DSCAM: variants seen among roughly 807,000 people sequenced by gnomAD.
DSCAM encodes the protein DS cell adhesion molecule.
Under a neutral mutation model 217.7 loss-of-function variants are expected in DSCAM, and 47 were observed. The ratio of observed to expected loss-of-function variants is 0.22; its 90% CI spans 0.17 to 0.28. The LOEUF (loss-of-function observed/expected upper bound fraction) is 0.28, where lower values mean the gene tolerates loss of function less well. DSCAM is among the 10% of genes least tolerant of loss of function. The probability of loss-of-function intolerance (pLI) is 1.00; values close to 1 mark genes in which losing one functional copy is unlikely to be tolerated. For synonymous variants in DSCAM, 1,056 were observed against 1,015.3 expected (o/e 1.04, Z -0.76); for missense variants, 2,080 against 2,618.3 (o/e 0.79, Z 4.49).
chr21:40,748,837 C>T (rs2091199731), intron 1 of DSCAM, among the ~76,000 whole-genome samples: 5 of 152,060 alleles, frequency 3.3e-5, no homozygotes, highest in Admixed American at 2.6e-4. Context: ...AAATATACTG[C>T]ATAGCTATAG....
At chr21:40,091,268 C>G (rs183112964) in intron 21 of DSCAM, among the ~76,000 whole-genome samples, 2 of 152,176 alleles carry the variant, frequency 1.3e-5, no homozygotes, top group Non-Finnish European at 2.9e-5. Flanking sequence ...AAACCCTACA[C>G]CATCTCCTTA....
At chr21:40,696,126 A>G (rs1170191853) in intron 2 of DSCAM, among the ~76,000 whole-genome samples, 1 of 152,156 alleles carries the variant, frequency 6.6e-6, no homozygotes, top group African/African-American at 2.4e-5. Flanking sequence ...TGACATTTGC[A>G]TTATAAGACA....
intron 8 of DSCAM, among the ~76,000 whole-genome samples, chr21:40,324,103 C>CAAAAAA (rs71330393): frequency 2.1e-3 from 58 of 27,954 alleles, no homozygotes; most frequent in East Asian, 3.7e-3. Flanking sequence ...AACTCTGTCT[C>CAAAAAA]AAAAAAAAAA....
intron 1 of DSCAM, among the ~76,000 whole-genome samples, chr21:40,759,867 C>T (rs999908741): frequency 3.9e-5 from 6 of 152,176 alleles, no homozygotes; most frequent in African/African-American, 9.7e-5. Context: ...ATGCAGCCAT[C>T]GCCCTCCACA....
At chr21:40,638,659 A>G (rs1259353665) in intron 3 of DSCAM, among the ~76,000 whole-genome samples, 1 of 152,148 alleles carries the variant, frequency 6.6e-6, no homozygotes, top group East Asian at 1.9e-4. Flanking sequence ...GGTAGTACTC[A>G]CTGTTCACCA....
intron 3 of DSCAM, among the ~76,000 whole-genome samples, chr21:40,381,722 A>G (rs549751189): frequency 6.6e-6 from 1 of 152,308 alleles, no homozygotes; most frequent in South Asian, 2.1e-4. Context: ...TGAAACTAAC[A>G]CTATGTTGTG....
At chr21:40,843,941 G>A (rs1316200166) in intron 1 of DSCAM, among the ~76,000 whole-genome samples, 4 of 150,976 alleles carry the variant, frequency 2.6e-5, no homozygotes, top group African/African-American at 9.7e-5. Context: ...TATTTTAATA[G>A]CCCCAAATAT....
chr21:40,736,088 CACTTT>C (rs1354181041), intron 1 of DSCAM, among the ~76,000 whole-genome samples: 1 of 152,202 alleles, frequency 6.6e-6, no homozygotes, highest in Non-Finnish European at 1.5e-5. Flanking sequence ...CTCAGGAAAT[CACTTT>C]ACTTAGTATT....
At chr21:40,729,489 G>A (rs936621618) in intron 1 of DSCAM, among the ~76,000 whole-genome samples, 6 of 152,188 alleles carry the variant, frequency 3.9e-5, no homozygotes, top group African/African-American at 9.7e-5. Context: ...TAGGTATGCC[G>A]TGTAGTCCTT....
chr21:40,253,749 G>A (rs888054771), intron 11 of DSCAM, among the ~76,000 whole-genome samples: 5 of 152,366 alleles, frequency 3.3e-5, no homozygotes, highest in South Asian at 2.1e-4. Context: ...CCCGGAGGGC[G>A]GCACAACCCA....
intron 3 of DSCAM, among the ~76,000 whole-genome samples, chr21:40,634,285 C>A (rs779037887): frequency 6.6e-6 from 1 of 152,174 alleles, no homozygotes; most frequent in Non-Finnish European, 1.5e-5. Flanking sequence ...CTTGTTCTGT[C>A]CGTAATTTTT....
chr21:40,257,761 T>C (rs1056938645), intron 11 of DSCAM, among the ~76,000 whole-genome samples: 1 of 152,184 alleles, frequency 6.6e-6, no homozygotes, highest in African/African-American at 2.4e-5. Flanking sequence ...TTAATGCTCA[T>C]GCACTTACCC....
intron 3 of DSCAM, among the ~76,000 whole-genome samples, chr21:40,533,602 T>C (rs879703603): frequency 0.11 from 12,078 of 107,436 alleles, 826 homozygotes; most frequent in African/African-American, 0.31. Context: ...TCCACCTGTC[T>C]GTCCATCCAT....
chr21:40,506,528 G>A (rs1210553858), intron 3 of DSCAM, among the ~76,000 whole-genome samples: 1 of 152,182 alleles, frequency 6.6e-6, no homozygotes, highest in Non-Finnish European at 1.5e-5. Flanking sequence ...GTGCTTAAAT[G>A]GTATTTGATA....
intron 11 of DSCAM, among the ~76,000 whole-genome samples, chr21:40,236,224 G>A (rs969677297): frequency 8.5e-5 from 13 of 152,182 alleles, no homozygotes; most frequent in African/African-American, 2.7e-4. Flanking sequence ...TGTATGATAT[G>A]CCAAGCACTG....
chr21:40,020,575 C>G (rs1221333427), intron 32 of DSCAM, among the ~76,000 whole-genome samples: 1 of 151,718 alleles, frequency 6.6e-6, no homozygotes, highest in Non-Finnish European at 1.5e-5. Context: ...GAAAATCTAA[C>G]TGGAAGAGCA....
chr21:40,425,640 C>A (rs1479375804), intron 3 of DSCAM, among the ~76,000 whole-genome samples: 1 of 138,942 alleles, frequency 7.2e-6, no homozygotes, highest in Non-Finnish European at 1.5e-5. Context: ...GAACTCCAGC[C>A]TGAGCAACAA....
rs956362644 is a variant in DSCAM, at chr21:40,140,935, G to C, written c.3406+1623C>G. ...TGTCTACTGCAGGACCAAGGAGGGC[G>C]GGGGGGGGTCCTTCTAGATTGCCTC... On this transcript the variant is annotated intron_variant, in intron 18 of 32. Transcript: ENST00000400454. Among the ~76,000 whole-genome samples, 8 of 5,978 alleles carry C rather than the reference G, an allele frequency of 1.3e-3. No homozygotes were observed. The South Asian group carries it at 0.057, about 43-fold the overall frequency. 3.9% of individuals were successfully genotyped at this position (5,978 alleles called of 152,430 possible). A position where few individuals can be genotyped will look rare whatever the true frequency, so the allele number is the denominator to read the frequency against.
intron 3 of DSCAM, among the ~76,000 whole-genome samples, chr21:40,444,447 C>A (rs1012123195): frequency 1.3e-5 from 2 of 152,170 alleles, no homozygotes; most frequent in Admixed American, 1.3e-4. Context: ...CAATCTGGAC[C>A]AATCTGGTAC....
Sources: gnomAD v4.1 joint callset for allele counts (sites outside exome capture counted in the v4.1 genomes callset) on GRCh38, gnomAD v4.1.1 for gene constraint, MANE v1.5 for transcripts, NCBI Gene and HGNC (gene_info 2026-07-23, HGNC 2026-07-21) for gene names.